Variants in FKBP1B observed in about 807,000 individuals in gnomAD.
FKBP1B encodes the protein FKBP prolyl isomerase 1B.
A neutral mutation model predicts 13.5 loss-of-function variants in FKBP1B; 4 were observed. That is an observed-to-expected ratio of 0.30 (90% CI 0.15 to 0.68). FKBP1B has a LOEUF of 0.68. FKBP1B is among the 30% of genes least tolerant of loss of function. The pLI is 0.76. For missense variants in FKBP1B, 93 were observed against 136.2 expected (o/e 0.68, Z 1.58); for synonymous variants, 54 against 53.6 (o/e 1.01, Z -0.03).
At chr2:24,033,327 CGA>C in the FKBP1B span, 2 of 324,442 alleles carry the variant, frequency 6.2e-6, no homozygotes, top group Non-Finnish European at 6.2e-6. Flanking sequence ...AAAAAAATGC[CGA>C]GAGAGTGTCC....
At chr2:24,052,770 C>T (rs1333772614) in intron 1 of FKBP1B, among the ~76,000 whole-genome samples, 1 of 152,028 alleles carries the variant, frequency 6.6e-6, no homozygotes, top group Non-Finnish European at 1.5e-5. Context: ...AGTTCAAGGC[C>T]AACCTGGACA....
chr2:24,038,465 G>C, the FKBP1B span: 6 of 1,614,220 alleles, frequency 3.7e-6, no homozygotes, highest in Middle Eastern at 1.6e-4. Context: ...AATGCTATCA[G>C]ATCAGGAACC....
chr2:24,053,483 T>G (rs1663974558), intron 1 of FKBP1B, among the ~76,000 whole-genome samples: 1 of 152,018 alleles, frequency 6.6e-6, no homozygotes, highest in African/African-American at 2.4e-5. Flanking sequence ...GGATGGATTA[T>G]AATCTGCATT....
chr2:24,048,462 T>G (rs556814941), upstream of FKBP1B, among the ~76,000 whole-genome samples: 1 of 130,564 alleles, frequency 7.7e-6, no homozygotes, highest in African/African-American at 3.1e-5. Context: ...AGAGTGAAGA[T>G]TCTGTCTCAA....
the FKBP1B span, among the ~76,000 whole-genome samples, chr2:24,033,879 C>G: frequency 6.6e-6 from 1 of 151,762 alleles, no homozygotes; most frequent in Non-Finnish European, 1.5e-5. Context: ...ATGGCAAGAC[C>G]CCATCTCATA....
chr2:24,056,852 G>A (rs540617686), intron 2 of FKBP1B, among the ~76,000 whole-genome samples: 201 of 151,986 alleles, frequency 1.3e-3, no homozygotes, highest in African/African-American at 4.6e-3. Context: ...CACCGTGCCC[G>A]GCTAATTTTG....
At chr2:24,039,045 CTT>C in the FKBP1B span, 1 of 1,614,152 alleles carries the variant, frequency 6.2e-7, no homozygotes, top group Non-Finnish European at 8.5e-7. Context: ...TGATGTCTGC[CTT>C]TACCTGGGAA....
At chr2:24,057,795 G>A (rs534021880) in intron 2 of FKBP1B, among the ~76,000 whole-genome samples, 35 of 152,262 alleles carry the variant, frequency 2.3e-4, no homozygotes, top group African/African-American at 7.5e-4. Context: ...AGTATTACAG[G>A]TGTGAGCCAC....
the FKBP1B span, among the ~76,000 whole-genome samples, chr2:24,035,831 G>A: frequency 6.6e-6 from 1 of 151,852 alleles, no homozygotes; most frequent in Admixed American, 6.6e-5. Context: ...AGCACTCTGG[G>A]AGGCCAAGGC....
chr2:24,042,731 A>G, the FKBP1B span, among the ~76,000 whole-genome samples: 1 of 149,352 alleles, frequency 6.7e-6, no homozygotes, highest in Admixed American at 6.7e-5. Context: ...AATTTAGTAT[A>G]AAAACAATTA....
chr2:24,038,788 G>C, the FKBP1B span: 11 of 1,614,172 alleles, frequency 6.8e-6, 1 homozygote, highest in South Asian at 1.2e-4. Flanking sequence ...GATATTAAAG[G>C]TTTCAGATGC....
At chr2:24,055,928 G>A (rs1323764737) in intron 2 of FKBP1B, among the ~76,000 whole-genome samples, 1 of 152,202 alleles carries the variant, frequency 6.6e-6, no homozygotes, top group Non-Finnish European at 1.5e-5. Context: ...CTAGGCAGCT[G>A]TGTAGGAGAC....
upstream of FKBP1B, chr2:24,047,416 C>G (rs1206502241): frequency 6.6e-6 from 1 of 152,264 alleles, no homozygotes; most frequent in East Asian, 1.9e-4. Context: ...AGCACCGGCC[C>G]TCAGTCCTCT....
the FKBP1B span, among the ~76,000 whole-genome samples, chr2:24,035,983 T>C: frequency 6.7e-6 from 1 of 148,906 alleles, no homozygotes; most frequent in South Asian, 2.1e-4. Context: ...GCAGGAGAAT[T>C]GCTAGAACCT....
At chr2:24,037,759 G>T in the FKBP1B span, 27 of 1,614,094 alleles carry the variant, frequency 1.7e-5, no homozygotes, top group Admixed American at 3.2e-4. Context: ...CAGACGGTTT[G>T]TAAGTTCAGA....
chr2:24,045,884 A>G (rs1334055286), upstream of FKBP1B: 6 of 152,204 alleles, frequency 3.9e-5, no homozygotes, highest in Non-Finnish European at 7.3e-5. Flanking sequence ...TACAGAGCGT[A>G]GCATGGCCCC....
chr2:24,045,631 G>GGAAGGA (rs367897717), upstream of FKBP1B, among the ~76,000 whole-genome samples: 2 of 106,156 alleles, frequency 1.9e-5, no homozygotes, highest in African/African-American at 4.8e-5. Context: ...GAGAGAGAGA[G>GGAAGGA]AGGAAGGAAG....
intron 2 of FKBP1B, among the ~76,000 whole-genome samples, chr2:24,057,016 A>T (rs1664157112): frequency 2.0e-5 from 3 of 152,086 alleles, no homozygotes; most frequent in Admixed American, 2.0e-4. Context: ...GTTGATTTAT[A>T]GGAGTTTTGT....
chr2:24,063,212 GTGGCTGGAGA>G lies in FKBP1B; in HGVS notation c.*27_*36del. 1.3e-6 allele frequency: 2 copies of G among 1,564,172 alleles called. No homozygotes were observed. The highest frequency in any genetic ancestry group is 1.7e-6 in the Non-Finnish European group (2 of 1,156,034). On this transcript the variant is annotated 3_prime_UTR_variant, in exon 4 of 4. Transcript: ENST00000380986. ...GAGTGAAGGCAGGAAGGAACTCAAG[GTGGCTGGAGA>G]TGGCTGCTGCTCACCCTCCTAGCCT...
Sources: allele counts gnomAD v4.1 joint callset (sites outside exome capture counted in the v4.1 genomes callset), GRCh38; gene constraint gnomAD v4.1.1; transcripts MANE v1.5; gene names NCBI Gene and HGNC (gene_info 2026-07-23, HGNC 2026-07-21).